KRT72: variants seen among roughly 807,000 people sequenced by gnomAD.
KRT72 encodes keratin, type II cytoskeletal 72.
Under a neutral mutation model 44.7 loss-of-function variants are expected in KRT72, and 44 were observed. The observed-to-expected ratio is 0.98, with a 90% confidence interval of 0.77 to 1.27. KRT72 has a LOEUF of 1.27. KRT72 is among the 50% of genes most tolerant of loss of function. The pLI, the probability that KRT72 is intolerant of heterozygous loss-of-function variation, is 0.00. For missense variants in KRT72, 736 were observed against 667.1 expected (o/e 1.10, Z -1.14); for synonymous variants, 302 against 280.4 (o/e 1.08, Z -0.77).
chr12:52,594,235 T>C (rs543969809), intron 2 of KRT72, among the ~76,000 whole-genome samples: 19 of 152,292 alleles, frequency 1.2e-4, no homozygotes, highest in Middle Eastern at 6.8e-3. Context: ...GAAATACCAT[T>C]TGACCCAGCC....
In KRT72 at chr12:52,592,918, C is replaced by T; in HGVS notation, c.676G>A (p.Glu226Lys). Residue 226 changes from glutamate (E) to lysine (K), a missense_variant, in exon 3 of 9, where the codon GAG becomes AAG. By Grantham distance (56) the Glu-to-Lys change is moderately conservative. Coordinates refer to ENST00000293745, the MANE Select transcript of KRT72 (RefSeq NM_080747.3). ...EVEINRRTAA[E>K]NEFVVLKKDV... is the part of the protein sequence containing the mutation. ...TTCTTGAGCACCACAAACTCATTCTCAGCAGCTGTGCGTCTGTTAATCTCC... is the reference window on the plus strand; with the variant it reads ...TTCTTGAGCACCACAAACTCATTCTTAGCAGCTGTGCGTCTGTTAATCTCC... The T allele has an allele frequency of 6.2e-7, 1 of 1,613,954 alleles. No homozygotes were observed. The highest frequency in any genetic ancestry group is 8.5e-7 in the Non-Finnish European group (1 of 1,179,942).
In KRT72 at chr12:52,601,439, A is replaced by G. The variant is rs1940456856; in HGVS notation, c.14T>C (p.Leu5Pro). ...GCGCTCCCCGCGGGGGAAATGGGTC[A>G]GTTGGCGGCTCATGGCTCGCAAGTA... is the stretch of plus-strand genomic sequence containing the variant. Reference protein sequence around the residue: MSRQLTHFPRGERLG... With the variant: MSRQPTHFPRGERLG... The change falls in exon 1 of 9, where the codon CTG (leucine) becomes CCG (proline). Residue 5 changes from leucine (L) to proline (P), a missense_variant. Physicochemically the swap from Leu to Pro is moderately conservative, Grantham distance 98. Coordinates refer to ENST00000293745, the MANE Select transcript of KRT72 (RefSeq NM_080747.3). The G allele has an allele frequency of 2.6e-6, 4 of 1,537,310 alleles. No individual in the cohort carries two copies. In the South Asian group the frequency reaches 4.8e-5, roughly 18 times the overall value.
chr12:52,592,588 C>A, intron 3 of KRT72, 97 bp from the exon 4 acceptor site: 1 of 895,074 alleles, frequency 1.1e-6, no homozygotes, highest in Non-Finnish European at 1.8e-6. Context: ...TCTCCCTTCA[C>A]CCTGTGCTTC....
intron 1 of KRT72, among the ~76,000 whole-genome samples, chr12:52,599,823 C>T (rs1415066129): frequency 6.6e-6 from 1 of 152,202 alleles, no homozygotes; most frequent in Non-Finnish European, 1.5e-5. Flanking sequence ...ACTCGGTCCA[C>T]CACCAACTGT....
chr12:52,600,107 A>G lies in KRT72; in HGVS notation c.426+920T>C, dbSNP rs184088690. On this transcript the variant is annotated intron_variant, in intron 1 of 8. Transcript: ENST00000293745. ...CAGAGACAACTTCCCTATTACCCCA[A>G]TTTCTGGATGCCCCACCCTCAGCAC... Among the ~76,000 whole-genome samples, 54 of 152,166 alleles carry G rather than the reference A, an allele frequency of 3.5e-4. 1 individual carries two copies. The highest frequency in any genetic ancestry group is 3.4e-3 in the Middle Eastern group (1 of 294).
intron 2 of KRT72, among the ~76,000 whole-genome samples, chr12:52,593,160 G>T (rs985872626): frequency 1.3e-5 from 2 of 152,346 alleles, no homozygotes; most frequent in East Asian, 3.9e-4. Context: ...TGTGCATTCT[G>T]TCTTAAAACT....
chr12:52,587,784 C>G lies in KRT72; in HGVS notation c.1157G>C (p.Arg386Pro), dbSNP rs748635916. 2 of 1,614,200 alleles carry G rather than the reference C, an allele frequency of 1.2e-6. No individual in the cohort carries two copies. Among genetic ancestry groups the G allele is most frequent in the South Asian group, 2.2e-5 (2 of 91,084 alleles). ...GCCCTCCAGCTCATCCAGCTTGGCCCGGGCATCTTTCAGGGCGCAGTCCCC... is the reference window on the plus strand; with the variant it reads ...GCCCTCCAGCTCATCCAGCTTGGCCGGGGCATCTTTCAGGGCGCAGTCCCC... ...QRGDCALKDA[R>P]AKLDELEGAL... is the part of the protein sequence containing the mutation. The change falls in exon 7 of 9, where the codon CGG becomes CCG. Residue 386 changes from arginine to proline, a missense_variant. Coordinates refer to ENST00000293745, the MANE Select transcript of KRT72 (RefSeq NM_080747.3).
Position 52,601,403 on chromosome 12 carries a change from C to T in KRT72, c.50G>A (p.Ser17Asn), listed in dbSNP as rs1940453493. ...GCCAGAGAGGACCGCGGAGCAACCG[C>T]TGAAGCCCAGGCGCTCCCCGCGGGG... Reference protein sequence around the residue: ...HFPRGERLGFSGCSAVLSGGI... With the variant: ...HFPRGERLGFNGCSAVLSGGI... The change falls in exon 1 of 9, where the codon AGC becomes AAC. Residue 17 changes from serine to asparagine, a missense_variant. By Grantham distance (46) the Ser-to-Asn change is conservative (BLOSUM62 1). Coordinates refer to ENST00000293745, the MANE Select transcript of KRT72 (RefSeq NM_080747.3). 7.8e-6 allele frequency: 12 copies of T among 1,541,480 alleles called. No homozygotes were observed. In the East Asian group the frequency reaches 2.9e-4, roughly 37 times the overall value.
rs751353624 is a variant in KRT72 at position 52,587,807 on chromosome 12, C to T, written c.1134G>A (p.Gly378=). The change falls in exon 7 of 9, where the codon GGG becomes GGA. Residue 378 remains glycine, a synonymous_variant. Coordinates refer to ENST00000293745, the MANE Select transcript of KRT72 (RefSeq NM_080747.3). ...CCCGGGCATCTTTCAGGGCGCAGTC[C>T]CCCCGCTGTTCAGCGTCGGCGATGG... ...ETAIADAEQR[G]DCALKDARAK... The T allele has an allele frequency of 6.2e-7, 1 of 1,614,188 alleles. No homozygotes were observed. The highest frequency in any genetic ancestry group is 1.1e-5 in the South Asian group (1 of 91,078).
chr12:52,598,713 A>T (rs1488564951), intron 2 of KRT72, among the ~76,000 whole-genome samples, 185 bp downstream of exon 2: 1 of 152,170 alleles, frequency 6.6e-6, no homozygotes, highest in African/African-American at 2.4e-5. Context: ...AATTGAGCAC[A>T]CATTTCCTCG....
At position 52,590,950 on chromosome 12, in the gene KRT72, C is replaced by T; in HGVS notation, c.975G>A (p.Leu325=). 6.3e-7 allele frequency: 1 copy of T among 1,594,612 alleles called. No homozygotes were observed. The change falls in exon 6 of 9, where the codon CTG becomes CTA. Residue 325 remains leucine (L), a synonymous_variant. Coordinates refer to ENST00000293745, the MANE Select transcript of KRT72 (RefSeq NM_080747.3). ...CCCCATGCTGGCCTGCTGTGACCTG[C>T]AGCTCCTGGATCTGAGGTTGGGTGA... The part of the protein sequence containing the change: ...ETLYQTKIQE[L]QVTAGQHGDD...
At chr12:52,587,921 C>T (rs1939846073) in intron 6 of KRT72, 70 bp from the exon 7 acceptor site, 3 of 1,454,110 alleles carry the variant, frequency 2.1e-6, no homozygotes, top group African/African-American at 1.4e-5. Context: ...GACAACCTCC[C>T]CTTGTTTTGT....
In KRT72 at chr12:52,601,034, A is replaced by T. The variant is rs199823742; in HGVS notation, c.419T>A (p.Ile140Asn). The T allele has an allele frequency of 5.6e-6, 9 of 1,611,766 alleles. No individual in the cohort carries two copies. In the East Asian group the frequency reaches 2.0e-4, roughly 36 times the overall value. Reference protein sequence around the residue: ...KALNNKFASFIDKVRFLEQQN... With the variant: ...KALNNKFASFNDKVRFLEQQN... Reference sequence around the variant, plus strand: ...CAATGCCCGAGGACTCACCTTGTCGATGAAGGAGGCGAACTTGTTGTTTAG... The same window carrying T: ...CAATGCCCGAGGACTCACCTTGTCGTTGAAGGAGGCGAACTTGTTGTTTAG... Residue 140 changes from isoleucine (I) to asparagine (N), a missense_variant, in exon 1 of 9, where the codon ATC becomes AAC. Ile to Asn is a moderately radical substitution (Grantham distance 149). Coordinates refer to ENST00000293745, the MANE Select transcript of KRT72 (RefSeq NM_080747.3).
At chr12:52,591,296 C>A (rs1352874469) in intron 5 of KRT72, among the ~76,000 whole-genome samples, 168 bp downstream of exon 5, 3 of 152,122 alleles carry the variant, frequency 2.0e-5, no homozygotes, top group Non-Finnish European at 4.4e-5. Flanking sequence ...TCTCCCTTAC[C>A]CCTGGGGTGG....
rs1316647650 is a variant in KRT72, at chr12:52,591,361, C to CACACAA, written c.963+102_963+103insTTGTGT. The CACACAA allele has an allele frequency of 5.9e-5, 62 of 1,048,810 alleles. 1 individual carries two copies. Among genetic ancestry groups the CACACAA allele is most frequent in the Non-Finnish European group, 8.3e-5 (62 of 746,072 alleles). The allele number at this position is 1,048,810 out of a possible 1,614,324, so 65.0% of individuals were successfully genotyped here. A position where few individuals can be genotyped will look rare whatever the true frequency, so the allele number is the denominator to read the frequency against. ...AGGAGGTCTTGACTGAGCCCAAATA[C>CACACAA]ACACACACACACAAACACACGCACA... On this transcript the variant is annotated intron_variant, in intron 5 of 8. Coordinates refer to ENST00000293745, the MANE Select transcript of KRT72 (RefSeq NM_080747.3).
In KRT72 at chr12:52,601,295, C is replaced by T. The variant is rs1372564459; in HGVS notation, c.158G>A (p.Gly53Glu). The T allele has an allele frequency of 1.9e-6, 3 of 1,549,536 alleles. No individual in the cohort carries two copies. The highest frequency in any genetic ancestry group is 1.4e-5 in the African/African-American group (1 of 73,206). Residue 53 changes from glycine to glutamate, a missense_variant, in exon 1 of 9, where the codon GGG becomes GAG. Transcript: ENST00000293745. Reference protein sequence around the residue: ...SFGSKSLSCLGGSRSLALSAA... With the variant: ...SFGSKSLSCLEGSRSLALSAA... Reference sequence around the variant, plus strand: ...GCTGAGCGCCAGGCTTCGGCTGCCCCCAAGGCAGGAGAGGCTCTTGCTGCC... The same window carrying T: ...GCTGAGCGCCAGGCTTCGGCTGCCCTCAAGGCAGGAGAGGCTCTTGCTGCC...
intron 2 of KRT72, among the ~76,000 whole-genome samples, chr12:52,597,914 A>T (rs1168511686): frequency 6.6e-6 from 1 of 152,190 alleles, no homozygotes; most frequent in East Asian, 1.9e-4. Context: ...AGGAGCACAA[A>T]GCCACTCCAG....
chr12:52,587,510 G>A (rs935236866), intron 7 of KRT72, 121 bp downstream of exon 7: 1 of 1,044,936 alleles, frequency 9.6e-7, no homozygotes, highest in Non-Finnish European at 1.4e-6. Flanking sequence ...CATGTGACAA[G>A]CCCATTTGCT....
intron 2 of KRT72, among the ~76,000 whole-genome samples, chr12:52,593,353 C>T (rs1940121992): frequency 1.3e-5 from 2 of 152,222 alleles, no homozygotes; most frequent in South Asian, 4.1e-4. Context: ...AACAAAAGCA[C>T]CATTCTCACT....
Sources: gnomAD v4.1 joint callset for allele counts (sites outside exome capture counted in the v4.1 genomes callset) on GRCh38, gnomAD v4.1.1 for gene constraint, MANE v1.5 for transcripts, NCBI Gene and HGNC (gene_info 2026-07-23, HGNC 2026-07-21) for gene names.